YES1: variants seen among roughly 807,000 people sequenced by gnomAD.
YES1 encodes the protein tyrosine-protein kinase Yes.
In YES1, 39 loss-of-function variants were observed where a neutral mutation model predicts 70.4. That is an observed-to-expected ratio of 0.55 (90% confidence interval 0.43 to 0.72). YES1 has a LOEUF of 0.72. YES1 is among the 30% of genes least tolerant of loss of function. The pLI is 0.00. For synonymous variants in YES1, 198 were observed against 218.6 expected, an observed-to-expected ratio of 0.91 and a Z score of 0.83; for missense variants, 495 against 644.8, an observed-to-expected ratio of 0.77 and a Z score of 2.52.
intron 11 of YES1, among the ~76,000 whole-genome samples, chr18:729,653 G>GTCT (rs1321347093): frequency 8.8e-6 from 1 of 113,130 alleles, no homozygotes; most frequent in South Asian, 3.2e-4. Context: ...TTGAGACAGA[G>GTCT]TCTCGCTCTG....
intron 3 of YES1, among the ~76,000 whole-genome samples, chr18:751,181 C>T (rs944553207): frequency 1.3e-5 from 2 of 152,166 alleles, no homozygotes; most frequent in Admixed American, 1.3e-4. Flanking sequence ...GGTCATTATG[C>T]TTGCTAATGA....
intron 1 of YES1, among the ~76,000 whole-genome samples, chr18:767,075 G>GT (rs2145769203): frequency 6.6e-6 from 1 of 151,972 alleles, no homozygotes. Flanking sequence ...GAACTCTTCT[G>GT]TAAGTCTGAA....
chr18:741,054 C>G (rs1015534231), intron 8 of YES1, among the ~76,000 whole-genome samples: 1 of 152,002 alleles, frequency 6.6e-6, no homozygotes, highest in Non-Finnish European at 1.5e-5. Flanking sequence ...CAAGCCACCA[C>G]GCCCAGCTGT....
At chr18:728,373 T>C (rs567901639) in intron 11 of YES1, among the ~76,000 whole-genome samples, 4 of 152,224 alleles carry the variant, frequency 2.6e-5, no homozygotes, top group African/African-American at 9.6e-5. Flanking sequence ...ACATATAGCC[T>C]GAAGGTAATT....
At chr18:734,297 G>C (rs1328557690) in intron 10 of YES1, among the ~76,000 whole-genome samples, 2 of 147,286 alleles carry the variant, frequency 1.4e-5, no homozygotes, top group African/African-American at 5.0e-5. Flanking sequence ...GCTCACGCCT[G>C]TATTCCCAGC....
At chr18:783,251 A>T (rs546496350) in intron 1 of YES1, among the ~76,000 whole-genome samples, 38 of 152,266 alleles carry the variant, frequency 2.5e-4, no homozygotes, top group Non-Finnish European at 4.1e-4. Context: ...TATACTGCAT[A>T]TTTTAGCTAC....
intron 1 of YES1, among the ~76,000 whole-genome samples, chr18:761,484 C>T (rs1384560314): frequency 6.6e-6 from 1 of 152,088 alleles, no homozygotes; most frequent in Admixed American, 6.6e-5. Flanking sequence ...ACAACAGAGG[C>T]TCCTATAATT....
Position 723,931 on chromosome 18 carries a change from T to A in YES1, c.*493A>T, listed in dbSNP as rs1598880040. The A allele has an allele frequency of 6.4e-6, 1 of 157,158 alleles. No individual in the cohort carries two copies. The highest frequency in any genetic ancestry group is 1.9e-4 in the East Asian group (1 of 5,328). The allele number at this position is 157,158 out of a possible 1,614,324, so 9.7% of individuals were successfully genotyped here. A position where few individuals can be genotyped will look rare whatever the true frequency, so the allele number is the denominator to read the frequency against. ...ATATTAAGATTGCATACTGACTGTT[T>A]AACTTAGAAAAAACTTTTGAGAATA... On this transcript the variant is annotated 3_prime_UTR_variant, in exon 12 of 12. Coordinates refer to ENST00000314574, the MANE Select transcript of YES1 (RefSeq NM_005433.4).
At position 722,907 on chromosome 18, in the gene YES1, A is replaced by G. The variant is rs1321017480; in HGVS notation, c.*1517T>C. On this transcript the variant is annotated 3_prime_UTR_variant, in exon 12 of 12. Coordinates refer to ENST00000314574, the MANE Select transcript of YES1 (RefSeq NM_005433.4). ...GGAGATCGAGACTATCCTGGCTAAC[A>G]CGGTGAAACTGCGTCTCTACTAAAA... The G allele has an allele frequency of 1.6e-4, 25 of 152,220 alleles. No homozygotes were observed. Among genetic ancestry groups the G allele is most frequent in the African/African-American group, 3.6e-4 (15 of 41,450 alleles). 9.4% of individuals were successfully genotyped at this position (152,220 alleles called of 1,614,324 possible). A position where few individuals can be genotyped will look rare whatever the true frequency, so the allele number is the denominator to read the frequency against.
chr18:759,963 G>T (rs535366420), intron 1 of YES1, among the ~76,000 whole-genome samples: 1 of 149,382 alleles, frequency 6.7e-6, no homozygotes, highest in East Asian at 2.0e-4. Context: ...TGCAGTGTTT[G>T]GTTTTCTGTC....
chr18:756,985 T>G, intron 1 of YES1, 150 bp from the exon 2 acceptor site: 3 of 757,200 alleles, frequency 4.0e-6, no homozygotes, highest in Non-Finnish European at 4.1e-6. Context: ...GAAAACGAGG[T>G]CTCTTCCCCT....
chr18:728,765 C>A (rs915775430), intron 11 of YES1, among the ~76,000 whole-genome samples: 1 of 152,178 alleles, frequency 6.6e-6, no homozygotes, highest in Non-Finnish European at 1.5e-5. Flanking sequence ...ACCTCGTGAT[C>A]CACTGGCCTC....
chr18:804,055 C>T (rs1906958670), intron 1 of YES1, among the ~76,000 whole-genome samples: 1 of 152,142 alleles, frequency 6.6e-6, no homozygotes, highest in Non-Finnish European at 1.5e-5. Flanking sequence ...ATTTTACAAA[C>T]CTTAAAAGGC....
intron 1 of YES1, among the ~76,000 whole-genome samples, chr18:795,946 T>A (rs565047349): frequency 1.8e-5 from 2 of 113,658 alleles, no homozygotes; most frequent in African/African-American, 8.0e-5. Flanking sequence ...CACACACACA[T>A]AAGACCTATG....
intron 1 of YES1, among the ~76,000 whole-genome samples, chr18:781,871 T>C (rs1905689051): frequency 6.6e-6 from 1 of 152,208 alleles, no homozygotes; most frequent in African/African-American, 2.4e-5. Flanking sequence ...GTGTTTGCCT[T>C]GGTTAAGACT....
At chr18:727,019 G>A (rs1245761384) in intron 11 of YES1, among the ~76,000 whole-genome samples, 1 of 152,018 alleles carries the variant, frequency 6.6e-6, no homozygotes, top group South Asian at 2.1e-4. Flanking sequence ...TCTTAAAATC[G>A]TCAAAGAAAG....
At chr18:773,726 CTA>C (rs1338891984) in intron 1 of YES1, among the ~76,000 whole-genome samples, 4 of 152,152 alleles carry the variant, frequency 2.6e-5, no homozygotes, top group Non-Finnish European at 2.9e-5. Flanking sequence ...TCCAACTTTC[CTA>C]TGTTTCTCGC....
In YES1 at chr18:758,543, T is replaced by C. The variant is rs559154568; in HGVS notation, c.-8-1708A>G. 2.7e-4 allele frequency among the ~76,000 whole-genome samples: 41 copies of C among 152,310 alleles called. No homozygotes were observed. In the South Asian group the frequency reaches 5.2e-3, roughly 19 times the overall value. ...TTTCTTTTTCCCCCTTCTAAAATTGTCTCTGTTCCAAGTATTCTCCCCACC... is the reference window on the plus strand; with the variant it reads ...TTTCTTTTTCCCCCTTCTAAAATTGCCTCTGTTCCAAGTATTCTCCCCACC... On this transcript the variant is annotated intron_variant, in intron 1 of 11. Transcript: ENST00000314574.
At chr18:774,584 C>T (rs1290234218) in intron 1 of YES1, among the ~76,000 whole-genome samples, 1 of 152,148 alleles carries the variant, frequency 6.6e-6, no homozygotes, top group East Asian at 1.9e-4. Context: ...CCCTTAAACT[C>T]CTCAGTAACC....
Sources: allele counts gnomAD v4.1 joint callset (sites outside exome capture counted in the v4.1 genomes callset), GRCh38; gene constraint gnomAD v4.1.1; transcripts MANE v1.5; gene names NCBI Gene and HGNC (gene_info 2026-07-23, HGNC 2026-07-21).